LRRC40: variants seen among roughly 807,000 people sequenced by gnomAD.
LRRC40 encodes leucine-rich repeat-containing protein 40.
In LRRC40, 76 loss-of-function variants were observed where a neutral mutation model predicts 72.8. That is an observed-to-expected ratio of 1.04 (90% CI 0.87 to 1.26). The LOEUF (loss-of-function observed/expected upper bound fraction) is 1.26. Among genes scored for constraint, LRRC40 ranks in the 50% most tolerant of loss-of-function variants. LRRC40 has a pLI of 0.00. For missense variants in LRRC40, 684 were observed against 698.9 expected (o/e 0.98, Z 0.24); for synonymous variants, 243 against 254.2 (o/e 0.96, Z 0.42).
At chr1:70,148,863 C>T (rs1372019570) in intron 13 of LRRC40, among the ~76,000 whole-genome samples, 191 bp from the exon 14 acceptor site, 1 of 152,088 alleles carries the variant, frequency 6.6e-6, no homozygotes, top group Non-Finnish European at 1.5e-5. Context: ...CCTTGAAATA[C>T]ATGTTAAACA....
intron 7 of LRRC40, among the ~76,000 whole-genome samples, chr1:70,175,149 T>C (rs1191188858): frequency 2.6e-5 from 4 of 152,008 alleles, no homozygotes; most frequent in Non-Finnish European, 5.9e-5. Context: ...GGTTGGTATA[T>C]TTATAGCTCA....
rs1380824068 is a variant in LRRC40, at chr1:70,145,314, GATTTA to G, written c.*481_*485del. On this transcript the variant is annotated 3_prime_UTR_variant, in exon 15 of 15. Transcript: ENST00000370952. Reference sequence around the variant, plus strand: ...CAAAGAACAGTATTCAACAAAATTCGATTTAATTTTATATCTAACAAAAACATAGA... The same window carrying G: ...CAAAGAACAGTATTCAACAAAATTCGATTTTATATCTAACAAAAACATAGA... 2 of 151,780 alleles carry G rather than the reference GATTTA, an allele frequency of 1.3e-5. No homozygotes were observed. The highest frequency in any genetic ancestry group is 6.6e-5 in the Admixed American group (1 of 15,250). The allele number at this position is 151,780 out of a possible 1,614,324, so 9.4% of individuals were successfully genotyped here. A position where few individuals can be genotyped will look rare whatever the true frequency, so the allele number is the denominator to read the frequency against.
At chr1:70,156,886 G>A (rs143518527) in intron 10 of LRRC40, among the ~76,000 whole-genome samples, 108 of 152,080 alleles carry the variant, frequency 7.1e-4, no homozygotes, top group African/African-American at 2.4e-3. Context: ...TAATATTTTC[G>A]GACTGCACCT....
intron 11 of LRRC40, among the ~76,000 whole-genome samples, chr1:70,152,875 C>G (rs1396167050): frequency 6.6e-6 from 1 of 152,080 alleles, no homozygotes; most frequent in Non-Finnish European, 1.5e-5. Flanking sequence ...ATACTTTATT[C>G]TATTAATAAC....
intron 7 of LRRC40, among the ~76,000 whole-genome samples, chr1:70,174,706 TA>T (rs1215265370): frequency 6.6e-6 from 1 of 152,122 alleles, no homozygotes; most frequent in Non-Finnish European, 1.5e-5. Context: ...TAATTCCATT[TA>T]TGTGACATTC....
Position 70,148,577 on chromosome 1 carries a change from A to G in LRRC40, c.1613T>C (p.Met538Thr). Residue 538 changes from methionine (M) to threonine (T), a missense_variant, in exon 14 of 15, where the codon ATG (methionine) becomes ACG (threonine). Coordinates refer to ENST00000370952, the MANE Select transcript of LRRC40 (RefSeq NM_017768.5). The part of the protein sequence containing the change: ...NQVGSVDPQK[M>T]KMMENLTTLD... ...CGTGGTCAGATTTTCCATCATCTTC[A>G]TTTTCTGAGGGTCCACAGATCCAAC... 2 of 1,613,342 alleles carry G rather than the reference A, an allele frequency of 1.2e-6. No individual in the cohort carries two copies. Among genetic ancestry groups the G allele is most frequent in the Non-Finnish European group, 1.7e-6 (2 of 1,179,436 alleles).
chr1:70,153,612 A>T (rs1480936096), intron 11 of LRRC40, among the ~76,000 whole-genome samples: 1 of 152,162 alleles, frequency 6.6e-6, no homozygotes, highest in Non-Finnish European at 1.5e-5. Flanking sequence ...AATCAACCTT[A>T]AAGTATACAG....
chr1:70,151,287 A>T, intron 12 of LRRC40, 82 bp from the exon 13 acceptor site: 1 of 631,974 alleles, frequency 1.6e-6, no homozygotes, highest in South Asian at 1.9e-5. Context: ...ATTGAGCAGG[A>T]AAAAAAAATA....
intron 1 of LRRC40, among the ~76,000 whole-genome samples, chr1:70,195,252 C>T (rs908916641): frequency 1.3e-5 from 2 of 151,706 alleles, no homozygotes; most frequent in Admixed American, 1.3e-4. Flanking sequence ...TCTAAAGCTA[C>T]CATTAATAAA....
At chr1:70,187,453 G>T in intron 2 of LRRC40, 115 bp from the exon 3 acceptor site, 1 of 574,056 alleles carries the variant, frequency 1.7e-6, no homozygotes. Context: ...AAATTCAATG[G>T]CAACAAGTTG....
intron 9 of LRRC40, among the ~76,000 whole-genome samples, chr1:70,160,808 T>C (rs1199985154): frequency 1.3e-5 from 2 of 152,106 alleles, no homozygotes; most frequent in Non-Finnish European, 2.9e-5. Flanking sequence ...TGTTGTTTTT[T>C]TTAACCATGT....
At chr1:70,177,903 G>A (rs188051308) in intron 6 of LRRC40, among the ~76,000 whole-genome samples, 315 of 152,238 alleles carry the variant, frequency 2.1e-3, no homozygotes, top group Non-Finnish European at 2.4e-3. Context: ...TACTCAACAC[G>A]AGGACAATGA....
intron 9 of LRRC40, among the ~76,000 whole-genome samples, chr1:70,167,421 G>A (rs1015287060): frequency 6.6e-6 from 1 of 151,666 alleles, no homozygotes; most frequent in African/African-American, 2.4e-5. Flanking sequence ...AAATTAGCTG[G>A]GCATGGTGGC....
At chr1:70,192,357 C>T (rs1471875343) in intron 1 of LRRC40, among the ~76,000 whole-genome samples, 2 of 151,922 alleles carry the variant, frequency 1.3e-5, no homozygotes, top group Admixed American at 6.6e-5. Flanking sequence ...CCCTTAAACA[C>T]TGTTGGTAGG....
intron 9 of LRRC40, among the ~76,000 whole-genome samples, chr1:70,166,061 T>C (rs184270190): frequency 1.3e-5 from 2 of 152,358 alleles, no homozygotes; most frequent in Admixed American, 1.3e-4. Flanking sequence ...CCTTAGATTA[T>C]GCACACACAT....
intron 1 of LRRC40, among the ~76,000 whole-genome samples, chr1:70,194,697 C>T (rs997816366): frequency 3.3e-5 from 5 of 151,938 alleles, no homozygotes; most frequent in African/African-American, 1.2e-4. Context: ...GAAAGCTTTT[C>T]TGTAGAAATT....
Position 70,197,450 on chromosome 1 carries a change from CTTAT to C in LRRC40, c.151+7936_151+7939del, listed in dbSNP as rs1668639898. On this transcript the variant is annotated intron_variant, in intron 1 of 14. Transcript: ENST00000370952. The stretch of plus-strand genomic sequence containing the variant: ...TACAGGCATGTGCCACCACATCCAG[CTTAT>C]TTTTTGTAGAGACAGGGTCTCATTA... 2.0e-5 allele frequency among the ~76,000 whole-genome samples: 3 copies of C among 151,920 alleles called. No individual in the cohort carries two copies. The South Asian group carries it at 6.2e-4, about 32-fold the overall frequency.
At chr1:70,185,583 C>A (rs1017289415) in intron 3 of LRRC40, among the ~76,000 whole-genome samples, 1 of 152,200 alleles carries the variant, frequency 6.6e-6, no homozygotes, top group African/African-American at 2.4e-5. Flanking sequence ...TCTTTATCAG[C>A]AGCATGAAAA....
In LRRC40 at chr1:70,196,406, C is replaced by A. The variant is rs541475992; in HGVS notation, c.152-7133G>T. 2.6e-5 allele frequency among the ~76,000 whole-genome samples: 4 copies of A among 152,110 alleles called. No individual in the cohort carries two copies. The South Asian group carries it at 8.3e-4, about 32-fold the overall frequency. On this transcript the variant is annotated intron_variant, in intron 1 of 14. Coordinates refer to ENST00000370952, the MANE Select transcript of LRRC40 (RefSeq NM_017768.5). ...CTCTATTAAAAACAAAAAAATTAGCCAGGCATGGTGGCATACACCATGAGT... is the reference window on the plus strand; with the variant it reads ...CTCTATTAAAAACAAAAAAATTAGCAAGGCATGGTGGCATACACCATGAGT...
Sources: gnomAD v4.1 joint callset for allele counts (sites outside exome capture counted in the v4.1 genomes callset) on GRCh38, gnomAD v4.1.1 for gene constraint, MANE v1.5 for transcripts, NCBI Gene and HGNC (gene_info 2026-07-23, HGNC 2026-07-21) for gene names.